Variants in FHOD1 observed in about 807,000 individuals in gnomAD.
FHOD1 encodes formin homology 2 domain containing 1.
Under a neutral mutation model 111.6 loss-of-function variants are expected in FHOD1, and 89 were observed. The ratio of observed to expected loss-of-function variants is 0.80; its 90% CI spans 0.67 to 0.95. The LOEUF (loss-of-function observed/expected upper bound fraction) is 0.95. Ranked by LOEUF, FHOD1 falls within the 40% of genes least tolerant of loss-of-function variation. The probability of loss-of-function intolerance (pLI) is 0.00; values close to 1 mark genes in which losing one functional copy is unlikely to be tolerated. For missense variants in FHOD1, 1,446 were observed against 1,554.2 expected (o/e 0.93, Z 1.17); for synonymous variants, 618 against 639.0 (o/e 0.97, Z 0.50).
chr16:67,247,160 C>G, intron 1 of FHOD1, 50 bp downstream of exon 1: 1 of 1,467,596 alleles, frequency 6.8e-7, no homozygotes, highest in Non-Finnish European at 9.0e-7. Context: ...GTTTTCATGG[C>G]GCCCACCCTG....
Position 67,238,768 on chromosome 16 carries a change from G to A in FHOD1, c.373+135C>T. 1.2e-6 allele frequency: 1 copy of A among 831,404 alleles called. No homozygotes were observed. The highest frequency in any genetic ancestry group is 2.0e-6 in the Non-Finnish European group (1 of 495,336). The allele number at this position is 831,404 out of a possible 1,614,324, so 51.5% of individuals were successfully genotyped here. ...CACTCCCACCATGGCCCTGGAAGAAGAGGTCAGGATAGGGAGAGGAAGGAG... is the reference window on the plus strand; with the variant it reads ...CACTCCCACCATGGCCCTGGAAGAAAAGGTCAGGATAGGGAGAGGAAGGAG... On this transcript the variant is annotated intron_variant, in intron 3 of 21. Coordinates refer to ENST00000258201, the MANE Select transcript of FHOD1 (RefSeq NM_013241.3). This position sits in a 1 kb window ranked among gnomAD's most constrained non-coding sequence, Gnocchi z 4.2.
At chr16:67,232,009 C>T (rs368135843) in intron 14 of FHOD1, 30 bp downstream of exon 14, 50 of 1,611,858 alleles carry the variant, frequency 3.1e-5, no homozygotes, top group African/African-American at 4.0e-5. Flanking sequence ...GCCAGACCTC[C>T]CCCCAACACC....
intron 1 of FHOD1, 109 bp downstream of exon 1, chr16:67,247,101 C>T (rs1349462144): frequency 1.6e-6 from 2 of 1,285,486 alleles, no homozygotes; most frequent in Non-Finnish European, 2.1e-6. Context: ...AAGACTTTTC[C>T]GGAGAAGAAC....
In FHOD1 at chr16:67,237,487, G is replaced by C. The variant is rs780814093; in HGVS notation, c.837C>G (p.Thr279=). 6.2e-7 allele frequency: 1 copy of C among 1,614,152 alleles called. No individual in the cohort carries two copies. Among genetic ancestry groups the C allele is most frequent in the Admixed American group, 1.7e-5 (1 of 60,024 alleles). ...TCCTTGGCCACACCTTGTTGATGAG[G>C]GTGACCGTGTACACCAACAACTCAG... is the stretch of plus-strand genomic sequence containing the variant. ...ADPELLVYTV[T]LINKTLAALP... Residue 279 remains threonine, a synonymous_variant, in exon 8 of 22, where the codon ACC becomes ACG. Transcript: ENST00000258201. The surrounding 1 kb of genome is among the most constrained non-coding windows in gnomAD (Gnocchi z 5.6).
Position 67,238,938 on chromosome 16 carries a change from C to T in FHOD1, c.338G>A (p.Arg113Gln). The T allele has an allele frequency of 5.6e-6, 9 of 1,614,164 alleles. No homozygotes were observed. The highest frequency in any genetic ancestry group is 2.2e-5 in the East Asian group (1 of 44,886). The change falls in exon 3 of 22, where the codon CGG (arginine) becomes CAG (glutamine). Residue 113 changes from arginine to glutamine, a missense_variant. Coordinates refer to ENST00000258201, the MANE Select transcript of FHOD1 (RefSeq NM_013241.3). This position sits in a 1 kb window ranked among gnomAD's most constrained non-coding sequence, Gnocchi z 4.2. Reference sequence around the variant, plus strand: ...GTTGACCCTCACAGAGAGCTGGGTCCGAAGGATCAGCGTGGGCTTCCGCCC... The same window carrying T: ...GTTGACCCTCACAGAGAGCTGGGTCTGAAGGATCAGCGTGGGCTTCCGCCC... Reference protein sequence around the residue: ...SKGRKPTLILRTQLSVRVNAI... With the variant: ...SKGRKPTLILQTQLSVRVNAI...
chr16:67,238,260 G>A lies in FHOD1; in HGVS notation c.489C>T (p.Ser163=). Residue 163 remains serine, a synonymous_variant, in exon 5 of 22, where the codon AGC becomes AGT. Transcript: ENST00000258201. The surrounding 1 kb of genome is among the most constrained non-coding windows in gnomAD (Gnocchi z 4.2). ...VPEFVHSEGL[S]CLIRVGAAAD... The stretch of plus-strand genomic sequence containing the variant: ...CAGCAGCACCCACACGGATCAGGCA[G>A]CTCAGCCCCTCTGAATGCACAAATT... 1 of 1,614,168 alleles carries A rather than the reference G, an allele frequency of 6.2e-7. No homozygotes were observed. The highest frequency in any genetic ancestry group is 8.5e-7 in the Non-Finnish European group (1 of 1,180,030).
intron 1 of FHOD1, among the ~76,000 whole-genome samples, chr16:67,246,278 TCTC>T (rs1477190294): frequency 1.3e-5 from 2 of 152,060 alleles, no homozygotes; most frequent in Non-Finnish European, 2.9e-5. Flanking sequence ...CCCGACTCTC[TCTC>T]CTCTTCTCCA....
Position 67,236,619 on chromosome 16 carries a change from G to T in FHOD1, c.1257C>A (p.Asn419Lys), listed in dbSNP as rs753177881. The T allele has an allele frequency of 3.5e-5, 57 of 1,613,626 alleles. No homozygotes were observed. In the Admixed American group the frequency reaches 9.0e-4, roughly 25 times the overall value. Residue 419 changes from asparagine (N) to lysine (K), a missense_variant, in exon 11 of 22, where the codon AAC (asparagine) becomes AAA (lysine). By Grantham distance (94) the Asn-to-Lys change is moderately conservative (BLOSUM62 0). This residue lies in a region of FHOD1 where 1,085 missense variants were observed against 1,108.8 expected (regional missense o/e 0.98). Coordinates refer to ENST00000258201, the MANE Select transcript of FHOD1 (RefSeq NM_013241.3). ...GPPSGLQASV[N>K]LFPTISVAPS... ...GTGCCACAGAGATGGTAGGAAAAAG[G>T]TTCACTGAAGCTTGGAGACCGGAGG...
rs1257502518 is a variant in FHOD1 at position 67,237,514 on chromosome 16, G to A, written c.810C>T (p.Asp270=). The change falls in exon 8 of 22, where the codon GAC becomes GAT. Residue 270 remains aspartate, a synonymous_variant. Coordinates refer to ENST00000258201, the MANE Select transcript of FHOD1 (RefSeq NM_013241.3). The surrounding 1 kb of genome is among the most constrained non-coding windows in gnomAD (Gnocchi z 5.6). ...VSILEEKNGA[D]PELLVYTVTL... ...TGACCGTGTACACCAACAACTCAGG[G>A]TCAGCGCCATTCTTCTCCTCCAGGA... The A allele has an allele frequency of 6.2e-7, 1 of 1,614,054 alleles. No homozygotes were observed. Among genetic ancestry groups the A allele is most frequent in the African/African-American group, 1.3e-5 (1 of 74,898 alleles).
In FHOD1 at chr16:67,247,374, C is replaced by A. The variant is rs1171120616; in HGVS notation, c.37G>T (p.Val13Leu). 9.3e-6 allele frequency: 15 copies of A among 1,613,274 alleles called. No homozygotes were observed. In the South Asian group the frequency reaches 1.6e-4, roughly 18 times the overall value. ...TGCACCCTCACGGTCACCACTGATA[C>A]CGGCTCTCCGTCCCCGCGGTCTTCC... The part of the protein sequence containing the change: ...GGEDRGDGEP[V>L]SVVTVRVQYL... The change falls in exon 1 of 22, where the codon GTA becomes TTA. Residue 13 changes from valine to leucine, a missense_variant. Physicochemically the swap from Val to Leu is conservative, Grantham distance 32 (BLOSUM62 1). Coordinates refer to ENST00000258201, the MANE Select transcript of FHOD1 (RefSeq NM_013241.3).
rs1390364424 is a variant in FHOD1, at chr16:67,231,556, T to G, written c.2386-7A>C. The stretch of plus-strand genomic sequence containing the variant: ...ACAGTGGCTCAGCAATTTCCTGGTA[T>G]GGGAGACCAGGGACTCTCAGACTAC... On this transcript the variant is annotated splice_region_variant and splice_polypyrimidine_tract_variant and intron_variant, in intron 15 of 21. Coordinates refer to ENST00000258201, the MANE Select transcript of FHOD1 (RefSeq NM_013241.3). This position sits in a 1 kb window ranked among gnomAD's most constrained non-coding sequence, Gnocchi z 4.3. 1 of 1,614,072 alleles carries G rather than the reference T, an allele frequency of 6.2e-7. No individual in the cohort carries two copies. Among genetic ancestry groups the G allele is most frequent in the Non-Finnish European group, 8.5e-7 (1 of 1,180,028 alleles).
chr16:67,233,127 C>G (rs1232859640), intron 13 of FHOD1, among the ~76,000 whole-genome samples: 3 of 151,284 alleles, frequency 2.0e-5, no homozygotes, highest in Non-Finnish European at 4.4e-5. Flanking sequence ...GCTCTTGTCC[C>G]CCAGGCTGGA....
In FHOD1 at chr16:67,237,043, CT is replaced by C; in HGVS notation, c.1064del (p.Lys355SerfsTer35). ...TCCTCTTGCCCTCCTCAGAAGAAGG[CT>C]TTCGTCGTTCCCGCCGCCCACCAGC... ...PGAGGRRERR[K>X]PSSEEGKRSR... On this transcript the variant is annotated frameshift_variant, in exon 10 of 22. Transcript: ENST00000258201. LOFTEE classifies it high-confidence loss of function. This position sits in a 1 kb window ranked among gnomAD's most constrained non-coding sequence, Gnocchi z 5.6. The C allele has an allele frequency of 6.2e-7, 1 of 1,613,326 alleles. No homozygotes were observed. Among genetic ancestry groups the C allele is most frequent in the Non-Finnish European group, 8.5e-7 (1 of 1,179,848 alleles).
rs1329055778 is a variant in FHOD1 at position 67,231,935 on chromosome 16, C to T, written c.2202+104G>A. 1 of 1,550,016 alleles carries T rather than the reference C, an allele frequency of 6.5e-7. No homozygotes were observed. Among genetic ancestry groups the T allele is most frequent in the Non-Finnish European group, 8.7e-7 (1 of 1,143,436 alleles). On this transcript the variant is annotated intron_variant, in intron 14 of 21. Transcript: ENST00000258201. The surrounding 1 kb of genome is among the most constrained non-coding windows in gnomAD (Gnocchi z 4.3). ...GCCCCAGTGTCTGGGGACTGCCCTG[C>T]AGAAATGCCAAGCCCATGCCCACCA...
intron 1 of FHOD1, among the ~76,000 whole-genome samples, chr16:67,243,807 G>A (rs907212084): frequency 1.3e-5 from 2 of 152,088 alleles, no homozygotes; most frequent in African/African-American, 4.8e-5. Context: ...ATAGACACAC[G>A]CACCCCATGC....
chr16:67,234,697 A>C, intron 11 of FHOD1: 1 of 525,332 alleles, frequency 1.9e-6, no homozygotes, highest in Non-Finnish European at 3.4e-6. Flanking sequence ...CCAGGTGAAA[A>C]CACAGGGAGA....
chr16:67,231,067 C>A lies in FHOD1; in HGVS notation c.2667+121G>T. The A allele has an allele frequency of 7.7e-7, 1 of 1,295,216 alleles. No homozygotes were observed. Among genetic ancestry groups the A allele is most frequent in the Non-Finnish European group, 1.1e-6 (1 of 933,508 alleles). The allele number at this position is 1,295,216 out of a possible 1,614,324, so 80.2% of individuals were successfully genotyped here. On this transcript the variant is annotated intron_variant, in intron 17 of 21. Coordinates refer to ENST00000258201, the MANE Select transcript of FHOD1 (RefSeq NM_013241.3). This position sits in a 1 kb window ranked among gnomAD's most constrained non-coding sequence, Gnocchi z 4.3. ...TCTGGCAGAGGGCATAGCTCACACC[C>A]AGGTGGCTGGAGCAAGCCCTGGCAC...
At chr16:67,230,842 G>C (rs752220377) in intron 17 of FHOD1, 51 bp from the exon 18 acceptor site, 1 of 1,521,142 alleles carries the variant, frequency 6.6e-7, no homozygotes, top group East Asian at 2.3e-5. Context: ...CTGTAGACAA[G>C]ACATGGCCCG....
chr16:67,243,641 C>T (rs564501827), intron 1 of FHOD1, among the ~76,000 whole-genome samples: 3 of 152,068 alleles, frequency 2.0e-5, no homozygotes, highest in Admixed American at 6.6e-5. Context: ...AAATCTTGGG[C>T]GGATGGGCCC....
Sources: gnomAD v4.1 joint callset for allele counts (sites outside exome capture counted in the v4.1 genomes callset) on GRCh38, gnomAD v4.1.1 for gene constraint, gnomAD v4.1.1 regional missense constraint, Gnocchi (gnomAD v3.1) non-coding constraint, MANE v1.5 for transcripts, NCBI Gene and HGNC (gene_info 2026-07-23, HGNC 2026-07-21) for gene names.